The following WDR44 variants were observed in gnomAD, a reference collection of about 807,000 sequenced individuals.
The protein encoded by WDR44 is WD repeat domain 44.
A neutral mutation model predicts 65.7 loss-of-function variants in WDR44; 9 were observed. That is an observed-to-expected ratio of 0.14 (90% CI 0.08 to 0.24). WDR44 has a LOEUF of 0.24. WDR44 is among the 10% of genes least tolerant of loss of function. The probability of loss-of-function intolerance (pLI) is 1.00; values close to 1 mark genes in which losing one functional copy is unlikely to be tolerated. For missense variants in WDR44, 425 were observed against 670.9 expected, an observed-to-expected ratio of 0.63 and a Z score of 4.05; for synonymous variants, 220 against 235.2, an observed-to-expected ratio of 0.94 and a Z score of 0.59.
chrX:118,446,637 A>G (rs1036661298), intron 19 of WDR44, among the ~76,000 whole-genome samples: 7 of 111,481 alleles, frequency 6.3e-5, no homozygotes, highest in East Asian at 2.8e-4. Context: ...TACTCCACTC[A>G]TGACACTTTT....
At chrX:118,370,603 T>C (rs2056606446) in intron 1 of WDR44, among the ~76,000 whole-genome samples, 1 of 109,962 alleles carries the variant, frequency 9.1e-6, no homozygotes, top group African/African-American at 3.3e-5. Flanking sequence ...TTTTTTTTTT[T>C]AGACAGAGTC....
At chrX:118,375,189 T>C (rs1367630747) in intron 1 of WDR44, among the ~76,000 whole-genome samples, 1 of 111,397 alleles carries the variant, frequency 9.0e-6, no homozygotes, top group Non-Finnish European at 1.9e-5. Flanking sequence ...TTTTTTTGTT[T>C]GTTTATTTTG....
chrX:118,442,200 C>G (rs1602980056), intron 15 of WDR44, 44 bp from the exon 16 acceptor site: 1 of 1,097,279 alleles, frequency 9.1e-7, no homozygotes, highest in Non-Finnish European at 1.3e-6. Flanking sequence ...AGCCACCACA[C>G]ATGCTCCTAA....
At chrX:118,430,769 A>C (rs981244073) in intron 12 of WDR44, among the ~76,000 whole-genome samples, 1 of 110,923 alleles carries the variant, frequency 9.0e-6, no homozygotes, top group East Asian at 2.8e-4. Flanking sequence ...TGAACTTGGG[A>C]GACAGAGGTT....
chrX:118,433,569 G>A (rs1358268558), intron 13 of WDR44, among the ~76,000 whole-genome samples: 1 of 110,932 alleles, frequency 9.0e-6, no homozygotes. Flanking sequence ...TGTGACCTTG[G>A]GCAAGTTATT....
chrX:118,360,662 G>A (rs1162792788), intron 1 of WDR44, among the ~76,000 whole-genome samples: 1 of 111,890 alleles, frequency 8.9e-6, no homozygotes, highest in Non-Finnish European at 1.9e-5. Context: ...TCACCTCAAG[G>A]ACCTTAGAAT....
intron 8 of WDR44, among the ~76,000 whole-genome samples, chrX:118,402,435 CAAAAAAAAA>C (rs758497932): frequency 6.9e-5 from 1 of 14,431 alleles, no homozygotes; most frequent in African/African-American, 4.3e-4. Context: ...AACTCTGTCT[CAAAAAAAAA>C]AAAAAAAAAA....
At chrX:118,358,460 T>C (rs1277473893) in intron 1 of WDR44, among the ~76,000 whole-genome samples, 4 of 112,056 alleles carry the variant, frequency 3.6e-5, no homozygotes, top group African/African-American at 1.3e-4. Flanking sequence ...CCCAGTGCCA[T>C]GAGAGGCTGA....
At chrX:118,349,419 G>A (rs946279802) in intron 1 of WDR44, among the ~76,000 whole-genome samples, 1 of 109,296 alleles carries the variant, frequency 9.1e-6, no homozygotes, top group African/African-American at 3.3e-5. Context: ...TTGCTATGTT[G>A]CCCAGGCTGG....
rs760975610 is a variant in WDR44 at position 118,424,281 on chromosome X, A to ATATATATATG, written c.1738-8499_1738-8498insATATATATGT. ...CTTGTTATCTTATATATATATATATATGTGTGTGTGTGTATGTGTATATAT... is the reference window on the plus strand; with the variant it reads ...CTTGTTATCTTATATATATATATATATATATATATGTGTGTGTGTGTGTATGTGTATATAT... On this transcript the variant is annotated intron_variant, in intron 12 of 19. Coordinates refer to ENST00000254029, the MANE Select transcript of WDR44 (RefSeq NM_019045.5). 7.5e-5 allele frequency among the ~76,000 whole-genome samples: 7 copies of ATATATATATG among 92,738 alleles called. No individual in the cohort carries two copies. The East Asian group carries it at 1.0e-3, about 13-fold the overall frequency. The allele number at this position is 92,738 out of a possible 115,157, so 80.5% of individuals were successfully genotyped here.
intron 19 of WDR44, among the ~76,000 whole-genome samples, chrX:118,445,269 TG>T (rs2057337072): frequency 8.9e-6 from 1 of 112,029 alleles, no homozygotes; most frequent in Admixed American, 9.5e-5. Flanking sequence ...CACTCCAGCC[TG>T]TGTGACAGAG....
At chrX:118,393,324 T>C (rs1386565187) in intron 4 of WDR44, 53 bp downstream of exon 4, 2 of 1,136,463 alleles carry the variant, frequency 1.8e-6, no homozygotes, top group Non-Finnish European at 2.3e-6. Context: ...GGCTCACGCC[T>C]GTAATCCCAG....
intron 12 of WDR44, among the ~76,000 whole-genome samples, chrX:118,427,095 G>A (rs770315831): frequency 9.0e-6 from 1 of 111,182 alleles, no homozygotes; most frequent in Non-Finnish European, 1.9e-5. Context: ...TGACTAAAAA[G>A]TACCTATAAA....
rs1483994863 is a variant in WDR44, at chrX:118,369,501, G to A, written c.78-8918G>A. ...TTTTTTTTTTTTGAAATGGAGTCTT[G>A]CTCTGTCACCCAGGCTGGAGTGCAG... On this transcript the variant is annotated intron_variant, in intron 1 of 19. Coordinates refer to ENST00000254029, the MANE Select transcript of WDR44 (RefSeq NM_019045.5). Among the ~76,000 whole-genome samples, 6 of 62,885 alleles carry A rather than the reference G, an allele frequency of 9.5e-5. No individual in the cohort carries two copies. In the Admixed American group the frequency reaches 1.2e-3, roughly 12 times the overall value. 54.6% of individuals were successfully genotyped at this position (62,885 alleles called of 115,157 possible).
chrX:118,370,397 G>C (rs1265168530), intron 1 of WDR44, among the ~76,000 whole-genome samples: 1 of 110,051 alleles, frequency 9.1e-6, no homozygotes, highest in Non-Finnish European at 1.9e-5. Context: ...ATGACTTCTT[G>C]GCCTGAGTTC....
intron 10 of WDR44, among the ~76,000 whole-genome samples, chrX:118,408,089 G>A (rs1180793532): frequency 8.9e-6 from 1 of 111,961 alleles, no homozygotes; most frequent in Non-Finnish European, 1.9e-5. Flanking sequence ...AAATCTCATC[G>A]TAGTAGGCTC....
chrX:118,397,428 G>T (rs757624171), intron 7 of WDR44, among the ~76,000 whole-genome samples: 406 of 111,064 alleles, frequency 3.7e-3, no homozygotes, highest in Non-Finnish European at 6.7e-3. Flanking sequence ...CACTTTAGGA[G>T]GCTGAGGCAG....
chrX:118,449,663 A>G lies in WDR44; in HGVS notation c.*676A>G, dbSNP rs757637450. 5.4e-5 allele frequency: 6 copies of G among 110,936 alleles called. No homozygotes were observed. Among genetic ancestry groups the G allele is most frequent in the Middle Eastern group, 4.6e-3 (1 of 216 alleles). The allele number at this position is 110,936 out of a possible 1,213,427, so 9.1% of individuals were successfully genotyped here. On this transcript the variant is annotated 3_prime_UTR_variant, in exon 20 of 20. Coordinates refer to ENST00000254029, the MANE Select transcript of WDR44 (RefSeq NM_019045.5). Reference sequence around the variant, plus strand: ...AAAGAATTATTTTCATTCTTTATCCATGAGCACCAGGCTTTGCTCACTTAA... The same window carrying G: ...AAAGAATTATTTTCATTCTTTATCCGTGAGCACCAGGCTTTGCTCACTTAA...
chrX:118,418,590 G>A (rs1176263313), intron 12 of WDR44, among the ~76,000 whole-genome samples: 1 of 111,214 alleles, frequency 9.0e-6, no homozygotes, highest in Admixed American at 9.6e-5. Context: ...GAAGTGGCAG[G>A]GGGGTGAAAT....
Sources: gnomAD v4.1 joint callset for allele counts (sites outside exome capture counted in the v4.1 genomes callset) on GRCh38, gnomAD v4.1.1 for gene constraint, MANE v1.5 for transcripts, NCBI Gene and HGNC (gene_info 2026-07-23, HGNC 2026-07-21) for gene names.